Variants in CCDC171 observed in about 807,000 individuals in gnomAD.
The protein encoded by CCDC171 is coiled-coil domain containing 171.
In CCDC171, 177 loss-of-function variants were observed where a neutral mutation model predicts 168.2. That is an observed-to-expected ratio of 1.05 (90% confidence interval 0.93 to 1.19). The LOEUF (loss-of-function observed/expected upper bound fraction) is 1.19. CCDC171 is among the 50% of genes most tolerant of loss of function. The probability of loss-of-function intolerance (pLI) is 0.00; values close to 1 mark genes in which losing one functional copy is unlikely to be tolerated. For synonymous variants in CCDC171, 687 were observed against 540.8 expected, an observed-to-expected ratio of 1.27 and a Z score of -3.75; for missense variants, 1,991 against 1,539.0, an observed-to-expected ratio of 1.29 and a Z score of -4.91.
intron 3 of CCDC171, among the ~76,000 whole-genome samples, chr9:15,998,791 A>G (rs1832446250): frequency 6.6e-6 from 1 of 152,206 alleles, no homozygotes; most frequent in Non-Finnish European, 1.5e-5. Flanking sequence ...TTTAAAGGCA[A>G]TGGAGGAGAA....
At chr9:15,841,547 T>C (rs538311265) in intron 21 of CCDC171, among the ~76,000 whole-genome samples, 1 of 151,990 alleles carries the variant, frequency 6.6e-6, no homozygotes, top group Non-Finnish European at 1.5e-5. Flanking sequence ...TCACCTACTT[T>C]CTGTGTAGGT....
chr9:16,057,862 G>A (rs1453581779), intron 1 of CCDC171, among the ~76,000 whole-genome samples: 1 of 152,110 alleles, frequency 6.6e-6, no homozygotes, highest in African/African-American at 2.4e-5. Flanking sequence ...GGTTAGCAGG[G>A]GCTGGGACAC....
intron 17 of CCDC171, among the ~76,000 whole-genome samples, 158 bp downstream of exon 17, chr9:15,744,935 G>C (rs1176639681): frequency 6.6e-6 from 1 of 152,178 alleles, no homozygotes; most frequent in Admixed American, 6.5e-5. Flanking sequence ...ATGGATAAGT[G>C]AATATTTTTG....
At position 15,834,983 on chromosome 9, in the gene CCDC171, T is replaced by C. The variant is rs559013966; in HGVS notation, c.3268-11719T>C. The stretch of plus-strand genomic sequence containing the variant: ...GATCTATGTCCTGTGACACAGAACA[T>C]AGAGTCCTTGTGGAATTCAGAAAAT... On this transcript the variant is annotated intron_variant, in intron 21 of 25. Coordinates refer to ENST00000380701, the MANE Select transcript of CCDC171 (RefSeq NM_173550.4). Among the ~76,000 whole-genome samples the C allele has an allele frequency of 1.8e-4, 28 of 152,350 alleles. 2 individuals are homozygous for C. The South Asian group carries it at 5.4e-3, about 29-fold the overall frequency.
At chr9:15,713,431 C>T (rs2052832485) in intron 11 of CCDC171, among the ~76,000 whole-genome samples, 1 of 152,050 alleles carries the variant, frequency 6.6e-6, no homozygotes, top group Admixed American at 6.6e-5. Context: ...ATCTGGACTA[C>T]TTGCTCATAC....
At chr9:15,726,856 A>G (rs945369262) in intron 14 of CCDC171, among the ~76,000 whole-genome samples, 6 of 152,134 alleles carry the variant, frequency 3.9e-5, no homozygotes, top group Non-Finnish European at 7.4e-5. Context: ...TTATCTAGAT[A>G]AAATAAAAAT....
chr9:15,624,169 G>C lies in CCDC171; in HGVS notation c.822+756G>C, dbSNP rs574525716. 2.0e-5 allele frequency among the ~76,000 whole-genome samples: 3 copies of C among 152,138 alleles called. 1 individual carries two copies. In the South Asian group the frequency reaches 6.2e-4, roughly 32 times the overall value. On this transcript the variant is annotated intron_variant, in intron 7 of 25. Coordinates refer to ENST00000380701, the MANE Select transcript of CCDC171 (RefSeq NM_173550.4). ...AACAGCAATAAGGATTATAACTTTT[G>C]GGAGGAAGGAAGTGTGATTCCTAAT...
the CCDC171 span, among the ~76,000 whole-genome samples, chr9:16,092,231 C>T: frequency 2.0e-5 from 3 of 152,240 alleles, no homozygotes; most frequent in Non-Finnish European, 4.4e-5. Context: ...CATGGAGAGA[C>T]ATTCCTCAGA....
intron 6 of CCDC171, among the ~76,000 whole-genome samples, chr9:15,617,879 G>A (rs1343473698): frequency 6.6e-6 from 1 of 152,182 alleles, no homozygotes; most frequent in Non-Finnish European, 1.5e-5. Context: ...TCCTCCGGAA[G>A]CTTTGTCCCA....
At chr9:15,779,760 A>C (rs551154586) in intron 20 of CCDC171, among the ~76,000 whole-genome samples, 1 of 152,222 alleles carries the variant, frequency 6.6e-6, no homozygotes, top group Admixed American at 6.5e-5. Flanking sequence ...ACGTCCATCA[A>C]TGACTTATAT....
intron 21 of CCDC171, among the ~76,000 whole-genome samples, chr9:15,794,317 T>C (rs2058436191): frequency 6.6e-6 from 1 of 151,930 alleles, no homozygotes. Flanking sequence ...ATACAAAAAT[T>C]AGCCAGGCAT....
chr9:16,061,870 C>T (rs944987427), downstream of CCDC171, among the ~76,000 whole-genome samples: 4 of 152,180 alleles, frequency 2.6e-5, no homozygotes, highest in Non-Finnish European at 2.9e-5. Context: ...TGCCGGCAAA[C>T]AGGCATGCAA....
chr9:16,056,861 C>A (rs1248800084), intron 1 of CCDC171, among the ~76,000 whole-genome samples: 1 of 152,042 alleles, frequency 6.6e-6, no homozygotes, highest in Non-Finnish European at 1.5e-5. Context: ...GCTGTTAAAG[C>A]AATATAAGCA....
chr9:15,696,613 G>C (rs2133797361), intron 11 of CCDC171, among the ~76,000 whole-genome samples: 1 of 152,146 alleles, frequency 6.6e-6, no homozygotes, highest in African/African-American at 2.4e-5. Flanking sequence ...ATGGTGTTAG[G>C]ATCTTTAAAA....
intron 16 of CCDC171, among the ~76,000 whole-genome samples, chr9:15,733,312 AT>A (rs1191265078): frequency 2.6e-5 from 4 of 151,984 alleles, no homozygotes; most frequent in Non-Finnish European, 4.4e-5. Flanking sequence ...CCATTTATCA[AT>A]TTTTTTATGG....
At chr9:15,838,605 G>A (rs561860024) in intron 21 of CCDC171, among the ~76,000 whole-genome samples, 1 of 152,302 alleles carries the variant, frequency 6.6e-6, no homozygotes, top group African/African-American at 2.4e-5. Flanking sequence ...GGAGTTGGGA[G>A]TCCACTAATT....
chr9:15,917,020 T>C (rs1824623837), intron 24 of CCDC171, among the ~76,000 whole-genome samples: 1 of 151,976 alleles, frequency 6.6e-6, no homozygotes, highest in Non-Finnish European at 1.5e-5. Flanking sequence ...TGTAAAATAA[T>C]GTGATCTTTT....
chr9:15,565,800 A>G (rs1451411439), intron 2 of CCDC171, among the ~76,000 whole-genome samples: 1 of 152,224 alleles, frequency 6.6e-6, no homozygotes, highest in Non-Finnish European at 1.5e-5. Flanking sequence ...GGGTACTATG[A>G]ATAATGCTGC....
At chr9:15,648,406 G>A (rs1322233258) in intron 7 of CCDC171, among the ~76,000 whole-genome samples, 1 of 152,170 alleles carries the variant, frequency 6.6e-6, no homozygotes, top group South Asian at 2.1e-4. Context: ...AGGGCAATCA[G>A]GCAGGAGAAA....
Sources: allele counts gnomAD v4.1 joint callset (sites outside exome capture counted in the v4.1 genomes callset), GRCh38; gene constraint gnomAD v4.1.1; transcripts MANE v1.5; gene names NCBI Gene and HGNC (gene_info 2026-07-23, HGNC 2026-07-21).